TSPEAR: variants seen among roughly 807,000 people sequenced by gnomAD.
The protein encoded by TSPEAR is thrombospondin-type laminin G domain and EAR repeat-containing protein.
Under a neutral mutation model 71.6 loss-of-function variants are expected in TSPEAR, and 69 were observed. That is an observed-to-expected ratio of 0.96 (90% CI 0.79 to 1.18). The LOEUF (loss-of-function observed/expected upper bound fraction) is 1.18, where lower values mean the gene tolerates loss of function less well. TSPEAR is among the 50% of genes most tolerant of loss of function. The pLI is 0.00. For synonymous variants in TSPEAR, 402 were observed against 387.2 expected (o/e 1.04, Z -0.45); for missense variants, 971 against 894.9 (o/e 1.09, Z -1.09).
intron 1 of TSPEAR, among the ~76,000 whole-genome samples, chr21:44,603,324 G>A (rs879995831): frequency 1.1e-4 from 16 of 152,230 alleles, no homozygotes; most frequent in African/African-American, 3.6e-4. Flanking sequence ...CCCTAAGTCA[G>A]CATCCCAGGC....
chr21:44,506,581 GGTCA>G lies in TSPEAR; in HGVS notation c.1755-1704_1755-1701del, dbSNP rs1555911969. On this transcript the variant is annotated intron_variant, in intron 10 of 11. Coordinates refer to ENST00000323084, the MANE Select transcript of TSPEAR (RefSeq NM_144991.3). This position sits in a 1 kb window ranked among gnomAD's most constrained non-coding sequence, Gnocchi z 4.2. ...GGGGCCTTGGGCTCCTCACTCCTTC[GGTCA>G]GTCAGGGTGACATCTGGAGCCACCT... Among the ~76,000 whole-genome samples, 2 of 152,212 alleles carry G rather than the reference GGTCA, an allele frequency of 1.3e-5. No individual in the cohort carries two copies. Among genetic ancestry groups the G allele is most frequent in the Non-Finnish European group, 2.9e-5 (2 of 68,038 alleles).
intron 1 of TSPEAR, chr21:44,579,666 C>T (rs1161755460): frequency 2.6e-5 from 39 of 1,498,546 alleles, no homozygotes; most frequent in African/African-American, 1.4e-4. Context: ...ATGGGGGCCC[C>T]GTCCCAAGCG....
intron 2 of TSPEAR, chr21:44,558,435 G>T: frequency 6.2e-7 from 1 of 1,614,042 alleles, no homozygotes; most frequent in South Asian, 1.1e-5. Context: ...CTGCTGGCAG[G>T]GGGAGGATGT....
At chr21:44,601,643 G>T (rs782781389) in intron 1 of TSPEAR, 2 of 1,611,984 alleles carry the variant, frequency 1.2e-6, no homozygotes, top group Admixed American at 1.7e-5. Context: ...AGCTGCTGCC[G>T]CCCAGCCTCC....
chr21:44,567,239 A>G (rs2053714992), intron 2 of TSPEAR, among the ~76,000 whole-genome samples: 1 of 152,244 alleles, frequency 6.6e-6, no homozygotes, highest in Non-Finnish European at 1.5e-5. Context: ...AATAGCCAGT[A>G]CACACATGAG....
At chr21:44,538,842 G>A (rs1336408740) in intron 2 of TSPEAR, 2 of 233,336 alleles carry the variant, frequency 8.6e-6, no homozygotes, top group African/African-American at 4.5e-5. Context: ...GTCCCACCTG[G>A]TGACCCCCTG....
At chr21:44,706,660 T>C (rs967092203) in intron 1 of TSPEAR, among the ~76,000 whole-genome samples, 2 of 152,144 alleles carry the variant, frequency 1.3e-5, no homozygotes, top group African/African-American at 4.8e-5. Flanking sequence ...ATCGAGCAGC[T>C]CCGGGCCTCA....
intron 1 of TSPEAR, chr21:44,601,959 G>A: frequency 4.4e-6 from 3 of 683,292 alleles, no homozygotes; most frequent in Non-Finnish European, 7.4e-6. Context: ...GCAACAGGTG[G>A]GCAGTGACCC....
intron 2 of TSPEAR, among the ~76,000 whole-genome samples, chr21:44,561,203 C>T (rs908956366): frequency 4.6e-5 from 7 of 152,202 alleles, no homozygotes; most frequent in Non-Finnish European, 1.0e-4. Context: ...ATACTATAAA[C>T]ACCTCTACAA....
chr21:44,676,818 T>A, intron 1 of TSPEAR: 1 of 945,548 alleles, frequency 1.1e-6, no homozygotes, highest in Non-Finnish European at 1.8e-6. Flanking sequence ...ATGCCCACTT[T>A]TCTTCCAGCG....
intron 2 of TSPEAR, chr21:44,539,470 T>C: frequency 6.2e-7 from 1 of 1,612,852 alleles, no homozygotes; most frequent in Non-Finnish European, 8.5e-7. Flanking sequence ...AGGAGGAGGG[T>C]CTGCAGCAGG....
At chr21:44,531,622 G>A (rs985172652) in intron 3 of TSPEAR, among the ~76,000 whole-genome samples, 14 of 152,332 alleles carry the variant, frequency 9.2e-5, no homozygotes, top group South Asian at 2.1e-4. Context: ...GCAGAAGTGC[G>A]TGGTGACATG....
intron 2 of TSPEAR, chr21:44,540,202 GAGTC>G (rs2146005432): frequency 6.3e-7 from 1 of 1,590,228 alleles, no homozygotes; most frequent in Non-Finnish European, 8.6e-7. Context: ...GTGAGTGTGG[GAGTC>G]AGTGTGTGTG....
intron 2 of TSPEAR, among the ~76,000 whole-genome samples, chr21:44,563,414 T>A (rs2146062010): frequency 6.6e-6 from 1 of 152,234 alleles, no homozygotes; most frequent in East Asian, 1.9e-4. Flanking sequence ...TTGGCACAAA[T>A]CTGAAGTTGA....
At chr21:44,508,324 G>A in intron 10 of TSPEAR, 1 of 233,044 alleles carries the variant, frequency 4.3e-6, no homozygotes, top group Admixed American at 5.5e-5. Context: ...GTGTTGTTGT[G>A]TGTCTCAAGC....
intron 1 of TSPEAR, among the ~76,000 whole-genome samples, chr21:44,665,652 G>A (rs887813536): frequency 6.6e-6 from 1 of 152,180 alleles, no homozygotes; most frequent in African/African-American, 2.4e-5. Context: ...GAAGTTCTTG[G>A]TAAATTATTG....
intron 8 of TSPEAR, among the ~76,000 whole-genome samples, chr21:44,523,202 G>A (rs587706396): frequency 6.7e-6 from 1 of 149,580 alleles, no homozygotes; most frequent in Non-Finnish European, 1.5e-5. Flanking sequence ...AGTCAGTGAA[G>A]TAGTCAGTCA....
At chr21:44,689,733 A>T (rs1987040808) in intron 1 of TSPEAR, among the ~76,000 whole-genome samples, 1 of 121,484 alleles carries the variant, frequency 8.2e-6, no homozygotes, top group African/African-American at 3.4e-5. Context: ...ATATATATAT[A>T]TATATATTTT....
rs587755348 is a variant in TSPEAR at position 44,667,607 on chromosome 21, G to A, written c.82+43826C>T. 2.6e-5 allele frequency among the ~76,000 whole-genome samples: 4 copies of A among 152,290 alleles called. No homozygotes were observed. In the East Asian group the frequency reaches 7.7e-4, roughly 29 times the overall value. The stretch of plus-strand genomic sequence containing the variant: ...AGCATGTTCCCAGGGAAGCATGTGA[G>A]GCCAGTGAAGGGTCCCATGGACAGC... On this transcript the variant is annotated intron_variant, in intron 1 of 11. Transcript: ENST00000323084.
Sources: allele counts gnomAD v4.1 joint callset (sites outside exome capture counted in the v4.1 genomes callset), GRCh38; gene constraint gnomAD v4.1.1; non-coding constraint Gnocchi (gnomAD v3.1); transcripts MANE v1.5; gene names NCBI Gene and HGNC (gene_info 2026-07-23, HGNC 2026-07-21).